Variants in DMD observed in about 807,000 individuals in gnomAD.
DMD encodes mutant dystrophin.
A neutral mutation model predicts 330.1 loss-of-function variants in DMD; 63 were observed. The ratio of observed to expected loss-of-function variants is 0.19; its 90% CI spans 0.16 to 0.24. DMD has a LOEUF of 0.24. Among genes scored for constraint, DMD ranks in the 10% least tolerant of loss-of-function variants. DMD has a pLI of 1.00. For missense variants in DMD, 3,344 were observed against 2,684.1 expected, an observed-to-expected ratio of 1.25 and a Z score of -5.43; for synonymous variants, 1,223 against 959.8, an observed-to-expected ratio of 1.27 and a Z score of -5.07.
At chrX:31,473,370 A>C (rs1309050399) in intron 59 of DMD, among the ~76,000 whole-genome samples, 1 of 107,587 alleles carries the variant, frequency 9.3e-6, no homozygotes, top group Non-Finnish European at 1.9e-5. Context: ...TGTCTCAAAA[A>C]AAAAAAAATT....
At chrX:31,912,539 A>T in intron 47 of DMD, among the ~76,000 whole-genome samples, 1 of 111,890 alleles carries the variant, frequency 8.9e-6, no homozygotes, top group East Asian at 2.8e-4. Flanking sequence ...AAACACACTT[A>T]TTTCTTCTTG....
chrX:32,601,887 T>C (rs955098359), intron 12 of DMD, among the ~76,000 whole-genome samples: 1 of 112,217 alleles, frequency 8.9e-6, no homozygotes, highest in Admixed American at 9.5e-5. Flanking sequence ...TAGCATCTAA[T>C]TAGTTGAAAG....
At chrX:32,377,812 T>C (rs2097909969) in intron 34 of DMD, among the ~76,000 whole-genome samples, 1 of 111,358 alleles carries the variant, frequency 9.0e-6, no homozygotes. Flanking sequence ...TTCATAAATA[T>C]ATACACCCAG....
Position 32,182,236 on chromosome X carries a change from C to T in DMD, c.6438+34680G>A, listed in dbSNP as rs1348995137. On this transcript the variant is annotated intron_variant, in intron 44 of 78. Transcript: ENST00000357033. The stretch of plus-strand genomic sequence containing the variant: ...CCAGGAAACATATTTCACATAATTT[C>T]TATAACACCAAATGAAAAGCCTTTA... 4.5e-5 allele frequency among the ~76,000 whole-genome samples: 5 copies of T among 112,111 alleles called. No individual in the cohort carries two copies. The South Asian group carries it at 1.5e-3, about 33-fold the overall frequency.
At chrX:32,857,164 G>A (rs1280829788) in intron 2 of DMD, among the ~76,000 whole-genome samples, 2 of 111,837 alleles carry the variant, frequency 1.8e-5, no homozygotes, top group African/African-American at 6.5e-5. Context: ...ACCCTGATAT[G>A]ATTATGCTTC....
intron 2 of DMD, among the ~76,000 whole-genome samples, chrX:32,977,271 G>T (rs2092579798): frequency 9.0e-6 from 1 of 111,204 alleles, no homozygotes; most frequent in African/African-American, 3.3e-5. Context: ...CTGCACTCCA[G>T]CCTGAGTGAC....
chrX:32,574,096 T>C (rs1463852675), intron 13 of DMD, among the ~76,000 whole-genome samples: 1 of 111,971 alleles, frequency 8.9e-6, no homozygotes, highest in Non-Finnish European at 1.9e-5. Flanking sequence ...TATACCACTA[T>C]ATAAAATGGC....
At chrX:32,656,171 G>T (rs900055867) in intron 9 of DMD, among the ~76,000 whole-genome samples, 2 of 111,724 alleles carry the variant, frequency 1.8e-5, no homozygotes, top group African/African-American at 6.5e-5. Flanking sequence ...TTGGCCAGTT[G>T]GATATAACGC....
rs139280181 is a variant in DMD at position 31,567,384 on chromosome X, T to C, written c.8218-59931A>G. ...GATACCCTTTATTAAGATGTGGAAG[T>C]TATCCTCTATTCCCAGTTTTCTCAT... On this transcript the variant is annotated intron_variant, in intron 55 of 78. Coordinates refer to ENST00000357033, the MANE Select transcript of DMD (RefSeq NM_004006.3). 6.9e-3 allele frequency among the ~76,000 whole-genome samples: 765 copies of C among 111,102 alleles called. 3 individuals are homozygous for C. Among genetic ancestry groups the C allele is most frequent in the African/African-American group, 0.024 (727 of 30,701 alleles).
chrX:31,703,840 C>A (rs2083988611), intron 52 of DMD, among the ~76,000 whole-genome samples: 1 of 110,820 alleles, frequency 9.0e-6, no homozygotes, highest in Non-Finnish European at 1.9e-5. Flanking sequence ...AAAAAAAGAT[C>A]AATGAATTCT....
At chrX:31,537,872 T>A (rs1007123770) in intron 55 of DMD, among the ~76,000 whole-genome samples, 1 of 112,261 alleles carries the variant, frequency 8.9e-6, no homozygotes, top group African/African-American at 3.2e-5. Flanking sequence ...GTTGAATATC[T>A]CATATCCAAA....
intron 21 of DMD, among the ~76,000 whole-genome samples, chrX:32,478,116 G>A (rs189326494): frequency 9.0e-6 from 1 of 111,508 alleles, no homozygotes; most frequent in East Asian, 2.8e-4. Context: ...GCTGGAAAAG[G>A]CACCCATGTA....
At chrX:32,462,550 ATTC>A (rs1306485932) in intron 25 of DMD, among the ~76,000 whole-genome samples, 5 of 111,829 alleles carry the variant, frequency 4.5e-5, no homozygotes, top group African/African-American at 6.5e-5. Flanking sequence ...TCTATAAAAT[ATTC>A]TTCTGTAGAA....
intron 8 of DMD, among the ~76,000 whole-genome samples, 153 bp from the exon 9 acceptor site, chrX:32,698,151 G>A (rs909978586): frequency 7.2e-5 from 8 of 111,096 alleles, no homozygotes; most frequent in African/African-American, 1.6e-4. Context: ...AATGATATTC[G>A]AAATTGGTAT....
intron 9 of DMD, among the ~76,000 whole-genome samples, chrX:32,646,199 A>G (rs1433090226): frequency 8.9e-6 from 1 of 111,732 alleles, no homozygotes; most frequent in African/African-American, 3.3e-5. Context: ...CTCAAGTGAC[A>G]GGAGAGGCTT....
At chrX:31,223,016 T>C (rs1437221028) in intron 64 of DMD, 31 bp downstream of exon 64, 12 of 1,166,644 alleles carry the variant, frequency 1.0e-5, no homozygotes, top group Non-Finnish European at 1.4e-5. Context: ...AGACATAGTA[T>C]CAAGATCTTC....
intron 41 of DMD, 122 bp downstream of exon 41, chrX:32,341,977 GA>G (rs2097745468): frequency 1.4e-6 from 1 of 733,175 alleles, no homozygotes; most frequent in African/African-American, 2.2e-5. Context: ...CTCACTTTCA[GA>G]ATGTACATTA....
intron 7 of DMD, among the ~76,000 whole-genome samples, chrX:32,705,426 A>G (rs931062118): frequency 1.8e-5 from 2 of 112,047 alleles, no homozygotes; most frequent in Non-Finnish European, 3.8e-5. Flanking sequence ...GAAACACAAA[A>G]CAATTTTATC....
chrX:31,833,763 G>A (rs188816148), intron 49 of DMD, among the ~76,000 whole-genome samples: 227 of 111,052 alleles, frequency 2.0e-3, no homozygotes, highest in African/African-American at 6.8e-3. Context: ...TGCAGAATGC[G>A]GAGGTGCCAA....
Sources: gnomAD v4.1 joint callset for allele counts (sites outside exome capture counted in the v4.1 genomes callset) on GRCh38, gnomAD v4.1.1 for gene constraint, MANE v1.5 for transcripts, NCBI Gene and HGNC (gene_info 2026-07-23, HGNC 2026-07-21) for gene names.